HMGB1: variants seen among roughly 807,000 people sequenced by gnomAD.
HMGB1 encodes the protein high mobility group box 1.
For synonymous variants in HMGB1, 81 were observed against 84.0 expected (o/e 0.96, Z 0.19); for missense variants, 79 against 253.5 (o/e 0.31, Z 4.67).
At chr13:30,547,237 C>T (rs1869204705) in intron 1 of HMGB1, among the ~76,000 whole-genome samples, 1 of 152,182 alleles carries the variant, frequency 6.6e-6, no homozygotes, top group Non-Finnish European at 1.5e-5. Context: ...ATTCTTTTCC[C>T]AAATATTATT....
At chr13:30,600,006 A>G (rs1950383633) in intron 1 of HMGB1, among the ~76,000 whole-genome samples, 1 of 152,238 alleles carries the variant, frequency 6.6e-6, no homozygotes, top group South Asian at 2.1e-4. Flanking sequence ...AATTTTTCCT[A>G]TAGAAACCCA....
chr13:30,491,680 A>G lies in HMGB1; in HGVS notation c.-14-27986T>C, dbSNP rs187304064. Among the ~76,000 whole-genome samples, 107 of 152,128 alleles carry G rather than the reference A, an allele frequency of 7.0e-4. 1 individual carries two copies. In the East Asian group the frequency reaches 0.018, roughly 25 times the overall value. On this transcript the variant is annotated intron_variant, in intron 1 of 4. Transcript: ENST00000405805. Reference sequence around the variant, plus strand: ...TATCTCAAAAAAAAAAAAAGAAAAAAAAAGAAATAAACTTTGACTTTTACA... The same window carrying G: ...TATCTCAAAAAAAAAAAAAGAAAAAGAAAGAAATAAACTTTGACTTTTACA...
Sources: allele counts gnomAD v4.1 joint callset (sites outside exome capture counted in the v4.1 genomes callset), GRCh38; gene constraint gnomAD v4.1.1; transcripts MANE v1.5; gene names NCBI Gene and HGNC (gene_info 2026-07-23, HGNC 2026-07-21).